The following CCDC102B variants were observed in gnomAD, a reference collection of about 807,000 sequenced individuals.
The protein encoded by CCDC102B is coiled-coil domain containing 102B, also known as coiled-coil domain-containing protein 102B.
In CCDC102B, 75 loss-of-function variants were observed where a neutral mutation model predicts 57.4. The ratio of observed to expected loss-of-function variants is 1.31; its 90% CI spans 1.08 to 1.58. The LOEUF is 1.58. CCDC102B is among the 40% of genes most tolerant of loss of function. The probability of loss-of-function intolerance (pLI) is 0.00; values close to 1 mark genes in which losing one functional copy is unlikely to be tolerated. For missense variants in CCDC102B, 636 were observed against 582.6 expected, an observed-to-expected ratio of 1.09 and a Z score of -0.94; for synonymous variants, 206 against 201.9, an observed-to-expected ratio of 1.02 and a Z score of -0.17.
chr18:68,748,338 C>T (rs568325462), intron 2 of CCDC102B, among the ~76,000 whole-genome samples: 38 of 151,340 alleles, frequency 2.5e-4, no homozygotes, highest in Admixed American at 1.4e-3. Context: ...GTTCCAGATA[C>T]AATTGAGGAT....
chr18:68,818,773 A>T (rs2036587117), intron 1 of CCDC102B, among the ~76,000 whole-genome samples: 1 of 152,172 alleles, frequency 6.6e-6, no homozygotes, highest in Non-Finnish European at 1.5e-5. Flanking sequence ...ATAGACAAAG[A>T]TACATTCAAT....
At chr18:68,922,346 G>A (rs1395766365) in intron 6 of CCDC102B, among the ~76,000 whole-genome samples, 2 of 152,114 alleles carry the variant, frequency 1.3e-5, no homozygotes, top group Non-Finnish European at 2.9e-5. Context: ...GGGGACACAG[G>A]TTACCCTAGT....
At chr18:68,984,037 T>C (rs2050661608) in intron 6 of CCDC102B, among the ~76,000 whole-genome samples, 1 of 152,072 alleles carries the variant, frequency 6.6e-6, no homozygotes, top group South Asian at 2.1e-4. Context: ...TGTTTATCTG[T>C]AGCAACCTTT....
rs557315238 is a variant in CCDC102B at position 68,948,675 on chromosome 18, A to G, written c.1263+51247A>G. ...CTTCTTCAACTCCTCGGAAGCCTCT[A>G]TTATGCCTGTTCACTCCCTTCTGTC... On this transcript the variant is annotated intron_variant, in intron 6 of 7. Transcript: ENST00000360242. Among the ~76,000 whole-genome samples, 3 of 152,118 alleles carry G rather than the reference A, an allele frequency of 2.0e-5. No individual in the cohort carries two copies. In the South Asian group the frequency reaches 6.2e-4, roughly 32 times the overall value.
intron 6 of CCDC102B, chr18:68,992,948 G>T (rs1234596072): frequency 1.1e-5 from 2 of 175,782 alleles, no homozygotes; most frequent in Non-Finnish European, 2.6e-5. Flanking sequence ...CCCACCAGAG[G>T]TCTGAGTCAT....
intron 6 of CCDC102B, among the ~76,000 whole-genome samples, chr18:69,008,412 T>C (rs2051410407): frequency 1.3e-5 from 2 of 152,236 alleles, no homozygotes; most frequent in African/African-American, 4.8e-5. Context: ...GTGTCCTGTC[T>C]AGCTGCCCAG....
In CCDC102B at chr18:68,897,298, G is replaced by A. The variant is rs201727067; in HGVS notation, c.1133G>A (p.Arg378Lys). Reference protein sequence around the residue: ...ILEREKQGLERENRRLKIQVK... With the variant: ...ILEREKQGLEKENRRLKIQVK... ...GAAAGAGAAAAGCAGGGACTGGAGA[G>A]AGAAAATAGAAGGCTGAAGATCCAG... Residue 378 changes from arginine to lysine, a missense_variant, in exon 6 of 8, where the codon AGA (arginine) becomes AAA (lysine). Transcript: ENST00000360242. 8.1e-5 allele frequency: 130 copies of A among 1,613,106 alleles called. 1 individual carries two copies. Among genetic ancestry groups the A allele is most frequent in the Non-Finnish European group, 5.9e-6 (7 of 1,179,362 alleles).
At chr18:69,055,964 GATCTTAGTACAGACATA>G (rs2052808601), downstream of CCDC102B, among the ~76,000 whole-genome samples, 1 of 152,062 alleles carries the variant, frequency 6.6e-6, no homozygotes, top group Admixed American at 6.6e-5. Flanking sequence ...GCTCCTCAGT[GATCTTAGTACAGACATA>G]TTGATAACTA....
chr18:68,833,045 A>C (rs2144774264), intron 1 of CCDC102B, among the ~76,000 whole-genome samples: 1 of 152,328 alleles, frequency 6.6e-6, no homozygotes. Context: ...TTAGCTTAAA[A>C]ATATCCAAAG....
intron 7 of CCDC102B, among the ~76,000 whole-genome samples, chr18:69,026,333 G>A (rs930068229): frequency 1.3e-5 from 2 of 151,980 alleles, no homozygotes; most frequent in African/African-American, 4.8e-5. Context: ...GGCCTATGGT[G>A]GTGCGGACCT....
chr18:68,928,928 G>A (rs1364245245), intron 6 of CCDC102B, among the ~76,000 whole-genome samples: 1 of 151,788 alleles, frequency 6.6e-6, no homozygotes, highest in Non-Finnish European at 1.5e-5. Context: ...AGAAATTAGG[G>A]TGGAAAGCTG....
chr18:68,843,420 C>G (rs1376787502), intron 3 of CCDC102B, among the ~76,000 whole-genome samples: 1 of 151,868 alleles, frequency 6.6e-6, no homozygotes, highest in Non-Finnish European at 1.5e-5. Flanking sequence ...ATTTTTAGGA[C>G]CTTTCATCTA....
intron 3 of CCDC102B, among the ~76,000 whole-genome samples, chr18:68,845,880 T>C (rs2144815898): frequency 6.6e-6 from 1 of 151,982 alleles, no homozygotes; most frequent in Non-Finnish European, 1.5e-5. Context: ...TTAAGATTGT[T>C]AGGTGGCTTG....
intron 1 of CCDC102B, among the ~76,000 whole-genome samples, chr18:68,813,269 G>A (rs538765953): frequency 4.6e-5 from 7 of 152,104 alleles, no homozygotes; most frequent in Admixed American, 3.3e-4. Flanking sequence ...ATGATTGTAC[G>A]CTTCCTGAGG....
chr18:68,953,490 T>C (rs1263789502), intron 6 of CCDC102B, among the ~76,000 whole-genome samples: 1 of 152,034 alleles, frequency 6.6e-6, no homozygotes. Context: ...CATTTTTATG[T>C]TTTCTTTCCA....
intron 5 of CCDC102B, among the ~76,000 whole-genome samples, chr18:68,887,498 A>G (rs1319584991): frequency 6.6e-6 from 1 of 152,236 alleles, no homozygotes; most frequent in African/African-American, 2.4e-5. Context: ...GGTGAGCTGA[A>G]GAGTCTTATG....
At chr18:68,903,272 G>A (rs185545499) in intron 6 of CCDC102B, among the ~76,000 whole-genome samples, 14 of 152,192 alleles carry the variant, frequency 9.2e-5, no homozygotes, top group African/African-American at 2.9e-4. Context: ...CCATTTTTAT[G>A]CTCTTACACT....
intron 4 of CCDC102B, among the ~76,000 whole-genome samples, chr18:68,867,984 G>A (rs1468536175): frequency 6.6e-6 from 1 of 151,930 alleles, no homozygotes; most frequent in Admixed American, 6.6e-5. Context: ...CTGTTTTGGG[G>A]AGAAAATATA....
chr18:68,853,136 T>C (rs1229879852), intron 4 of CCDC102B, among the ~76,000 whole-genome samples: 1 of 152,228 alleles, frequency 6.6e-6, no homozygotes, highest in Non-Finnish European at 1.5e-5. Flanking sequence ...TGAGACTACA[T>C]ACAGTTTGTA....
Sources: allele counts gnomAD v4.1 joint callset (sites outside exome capture counted in the v4.1 genomes callset), GRCh38; gene constraint gnomAD v4.1.1; transcripts MANE v1.5; gene names NCBI Gene and HGNC (gene_info 2026-07-23, HGNC 2026-07-21).